The following PRMT8 variants were observed in gnomAD, a reference collection of about 807,000 sequenced individuals.
PRMT8 encodes protein arginine methyltransferase 8.
In PRMT8, 7 loss-of-function variants were observed where a neutral mutation model predicts 47.1. The observed-to-expected ratio is 0.15, with a 90% CI of 0.08 to 0.28. The LOEUF (loss-of-function observed/expected upper bound fraction) is 0.28, where lower values mean the gene tolerates loss of function less well. PRMT8 is among the 10% of genes least tolerant of loss of function. The pLI is 1.00. For synonymous variants in PRMT8, 188 were observed against 186.5 expected (o/e 1.01, Z -0.07); for missense variants, 237 against 505.4 (o/e 0.47, Z 5.09).
rs1252072576 is a variant in PRMT8, at chr12:3,576,410, C to T, written c.713-461C>T. On this transcript the variant is annotated intron_variant, in intron 6 of 9. Transcript: ENST00000382622. This position sits in a 1 kb window ranked among gnomAD's most constrained non-coding sequence, Gnocchi z 4.0. ...GCATTAAAGGTTCAGTGGATGGGGACAGGAAAAGGGAGAGAGATGGGCCTT... is the reference window on the plus strand; with the variant it reads ...GCATTAAAGGTTCAGTGGATGGGGATAGGAAAAGGGAGAGAGATGGGCCTT... Among the ~76,000 whole-genome samples, 2 of 152,128 alleles carry T rather than the reference C, an allele frequency of 1.3e-5. No individual in the cohort carries two copies. Among genetic ancestry groups the T allele is most frequent in the South Asian group, 2.1e-4 (1 of 4,836 alleles).
intron 1 of PRMT8, among the ~76,000 whole-genome samples, chr12:3,412,339 AGTGAGTGAATG>A (rs1229222631): frequency 6.6e-6 from 1 of 152,248 alleles, no homozygotes; most frequent in Non-Finnish European, 1.5e-5. Context: ...TGTGTGAGTC[AGTGAGTGAATG>A]GTGAGTAAAT....
chr12:3,531,256 C>T (rs889827246), intron 1 of PRMT8, among the ~76,000 whole-genome samples: 2 of 152,142 alleles, frequency 1.3e-5, no homozygotes, highest in African/African-American at 4.8e-5. Context: ...TCCGTAACCC[C>T]CTTCAAGTCA....
At chr12:3,563,609 C>T (rs73262050) in intron 4 of PRMT8, among the ~76,000 whole-genome samples, 2,132 of 152,120 alleles carry the variant, frequency 0.014, 51 homozygotes, top group African/African-American at 0.048. Flanking sequence ...TCTCAACATC[C>T]CAAGCAGTTG....
rs1198494642 is a variant in PRMT8, at chr12:3,580,322, T to TG, written c.829-2730dup. 3.5e-5 allele frequency among the ~76,000 whole-genome samples: 5 copies of TG among 142,556 alleles called. No individual in the cohort carries two copies. In the South Asian group the frequency reaches 1.1e-3, roughly 32 times the overall value. The allele number at this position is 142,556 out of a possible 152,430, so 93.5% of individuals were successfully genotyped here. On this transcript the variant is annotated intron_variant, in intron 7 of 9. Transcript: ENST00000382622. The surrounding 1 kb of genome is among the most constrained non-coding windows in gnomAD (Gnocchi z 4.6). ...CTTTAGAGGTGGAATTCCTGCCAGA[T>TG]GGGGGGTGCGTGTGCGTGTGTGTGT...
At position 3,568,737 on chromosome 12, in the gene PRMT8, G is replaced by T; in HGVS notation, c.513G>T (p.Glu171Asp). 4 of 1,614,168 alleles carry T rather than the reference G, an allele frequency of 2.5e-6. No individual in the cohort carries two copies. The highest frequency in any genetic ancestry group is 3.4e-6 in the Non-Finnish European group (4 of 1,180,026). ...CCATATTTAAGGGTAAAGTGGAAGAGGTGGAGCTGCCTGTGGAGAAGGTGG... is the reference window on the plus strand; with the variant it reads ...CCATATTTAAGGGTAAAGTGGAAGATGTGGAGCTGCCTGTGGAGAAGGTGG... Reference protein sequence around the residue: ...IITIFKGKVEEVELPVEKVDI... With the variant: ...IITIFKGKVEDVELPVEKVDI... Residue 171 changes from glutamate to aspartate, a missense_variant, in exon 5 of 10, where the codon GAG (glutamate) becomes GAT (aspartate). Coordinates refer to ENST00000382622, the MANE Select transcript of PRMT8 (RefSeq NM_019854.5).
intron 1 of PRMT8, among the ~76,000 whole-genome samples, chr12:3,424,493 T>C (rs923427681): frequency 6.6e-6 from 1 of 152,228 alleles, no homozygotes; most frequent in African/African-American, 2.4e-5. Flanking sequence ...ATCCCCTTCC[T>C]AACTTACTGC....
At position 3,508,964 on chromosome 12, in the gene PRMT8, C is replaced by T. The variant is rs1454808933; in HGVS notation, c.75+17264C>T. On this transcript the variant is annotated intron_variant, in intron 1 of 9. Coordinates refer to ENST00000382622, the MANE Select transcript of PRMT8 (RefSeq NM_019854.5). The surrounding 1 kb of genome is among the most constrained non-coding windows in gnomAD (Gnocchi z 4.9). ...GCGATTCTACATCTGAAATGTTTCT[C>T]CTCTTTGTCCTGAATCTGTCCTCCC... 6.6e-6 allele frequency among the ~76,000 whole-genome samples: 1 copy of T among 152,184 alleles called. No individual in the cohort carries two copies. The highest frequency in any genetic ancestry group is 2.4e-5 in the African/African-American group (1 of 41,434).
At chr12:3,384,724 C>T (rs1864123978) in intron 1 of PRMT8, among the ~76,000 whole-genome samples, 1 of 152,136 alleles carries the variant, frequency 6.6e-6, no homozygotes, top group Non-Finnish European at 1.5e-5. Flanking sequence ...ATGTCCAAAC[C>T]TAAACCAGTC....
intron 1 of PRMT8, among the ~76,000 whole-genome samples, chr12:3,438,714 G>A (rs183404196): frequency 6.6e-6 from 1 of 152,326 alleles, no homozygotes; most frequent in Admixed American, 6.5e-5. Flanking sequence ...TAGGTCAGTA[G>A]TTCGAATAGT....
At chr12:3,415,069 C>A (rs2098103) in intron 1 of PRMT8, among the ~76,000 whole-genome samples, 20,292 of 151,994 alleles carry the variant, frequency 0.13, 1,766 homozygotes, top group African/African-American at 0.23. Flanking sequence ...GTGCTTCTGA[C>A]CCACCGGCTA....
chr12:3,593,425 C>A lies in PRMT8; in HGVS notation c.*243C>A. ...GCTTTGTGTTGCCAACAAAGAGCGA[C>A]CTGGCGTGCTGTGGCTGGGCCCCGA... is the stretch of plus-strand genomic sequence containing the variant. On this transcript the variant is annotated 3_prime_UTR_variant, in exon 10 of 10. Transcript: ENST00000382622. The surrounding 1 kb of genome is among the most constrained non-coding windows in gnomAD (Gnocchi z 4.8). The A allele has an allele frequency of 4.0e-6, 2 of 503,512 alleles. No individual in the cohort carries two copies. The highest frequency in any genetic ancestry group is 7.0e-6 in the Non-Finnish European group (2 of 285,592). 31.2% of individuals were successfully genotyped at this position (503,512 alleles called of 1,614,324 possible). A position where few individuals can be genotyped will look rare whatever the true frequency, so the allele number is the denominator to read the frequency against.
chr12:3,495,066 T>G (rs559031763), intron 1 of PRMT8, among the ~76,000 whole-genome samples: 1 of 152,334 alleles, frequency 6.6e-6, no homozygotes, highest in Non-Finnish European at 1.5e-5. Flanking sequence ...AAACCTCCTC[T>G]GTGGCCTTCT....
intron 1 of PRMT8, among the ~76,000 whole-genome samples, chr12:3,400,698 T>TA (rs1864306485): frequency 6.6e-6 from 1 of 152,058 alleles, no homozygotes; most frequent in Non-Finnish European, 1.5e-5. Context: ...CTGGAAGAGA[T>TA]ACAATAAAAA....
At chr12:3,397,977 G>C (rs1565398371) in intron 1 of PRMT8, among the ~76,000 whole-genome samples, 1 of 152,192 alleles carries the variant, frequency 6.6e-6, no homozygotes, top group Non-Finnish European at 1.5e-5. Context: ...TGATTTTCCA[G>C]GTGCCGTCCA....
At chr12:3,584,378 A>AG (rs899890077) in intron 8 of PRMT8, among the ~76,000 whole-genome samples, 2 of 152,080 alleles carry the variant, frequency 1.3e-5, no homozygotes, top group Non-Finnish European at 2.9e-5. Flanking sequence ...ATGAATTTGG[A>AG]GGGGGGGACA....
chr12:3,447,428 T>C (rs1864869935), intron 1 of PRMT8, among the ~76,000 whole-genome samples: 1 of 152,172 alleles, frequency 6.6e-6, no homozygotes, highest in Non-Finnish European at 1.5e-5. Flanking sequence ...AAATACTCCA[T>C]GCTGGTTCTC....
chr12:3,451,095 T>C (rs1864914413), intron 1 of PRMT8, among the ~76,000 whole-genome samples: 1 of 121,706 alleles, frequency 8.2e-6, no homozygotes, highest in African/African-American at 3.1e-5. Context: ...CTAGAACACA[T>C]TGCTGGTCTA....
intron 1 of PRMT8, among the ~76,000 whole-genome samples, chr12:3,383,246 T>G (rs1864108957): frequency 6.6e-6 from 1 of 152,230 alleles, no homozygotes. Flanking sequence ...CTTGTCTATA[T>G]CTATAAAAAT....
chr12:3,460,966 A>G (rs1377410242), intron 1 of PRMT8, among the ~76,000 whole-genome samples: 1 of 152,220 alleles, frequency 6.6e-6, no homozygotes, highest in East Asian at 1.9e-4. Flanking sequence ...ACTTACCTCA[A>G]GTTGCCCACA....
Sources: allele counts gnomAD v4.1 joint callset (sites outside exome capture counted in the v4.1 genomes callset), GRCh38; gene constraint gnomAD v4.1.1; non-coding constraint Gnocchi (gnomAD v3.1); transcripts MANE v1.5; gene names NCBI Gene and HGNC (gene_info 2026-07-23, HGNC 2026-07-21).